TACR1: variants seen among roughly 807,000 people sequenced by gnomAD.
TACR1 encodes the protein tachykinin receptor 1, also known as substance-P receptor.
In TACR1, 25 loss-of-function variants were observed where a neutral mutation model predicts 35.8. The ratio of observed to expected loss-of-function variants is 0.70; its 90% CI spans 0.51 to 0.98. TACR1 has a LOEUF of 0.98. Among genes scored for constraint, TACR1 ranks in the 50% least tolerant of loss-of-function variants. The pLI, the probability that TACR1 is intolerant of heterozygous loss-of-function variation, is 0.00. For synonymous variants in TACR1, 195 were observed against 206.7 expected (o/e 0.94, Z 0.48); for missense variants, 478 against 522.9 (o/e 0.91, Z 0.84).
At chr2:75,068,370 C>T (rs1405203415) in intron 2 of TACR1, among the ~76,000 whole-genome samples, 6 of 152,110 alleles carry the variant, frequency 3.9e-5, no homozygotes, top group Non-Finnish European at 7.4e-5. Flanking sequence ...AAATGTTAAT[C>T]GCGTTTACAG....
At chr2:75,189,440 A>C (rs189854388) in intron 1 of TACR1, 68 of 152,354 alleles carry the variant, frequency 4.5e-4, no homozygotes, top group African/African-American at 1.5e-3. Flanking sequence ...CTATGTAAGT[A>C]GTGCATGTGT....
intron 2 of TACR1, among the ~76,000 whole-genome samples, chr2:75,106,248 CA>C (rs548271931): frequency 6.6e-5 from 10 of 151,820 alleles, no homozygotes; most frequent in South Asian, 4.2e-4. Flanking sequence ...CTATTTATTT[CA>C]AAAAAATTAT....
At chr2:75,171,222 G>T (rs1206882844) in intron 1 of TACR1, among the ~76,000 whole-genome samples, 1 of 152,204 alleles carries the variant, frequency 6.6e-6, no homozygotes, top group Non-Finnish European at 1.5e-5. Context: ...GTGGCTAAAA[G>T]GGGCCAAAGT....
chr2:75,092,812 C>G (rs1003378067), intron 2 of TACR1, among the ~76,000 whole-genome samples: 5 of 152,128 alleles, frequency 3.3e-5, no homozygotes, highest in Non-Finnish European at 7.3e-5. Flanking sequence ...GATCAGAACC[C>G]TACTTTCTGG....
intron 1 of TACR1, among the ~76,000 whole-genome samples, chr2:75,190,141 C>A (rs1675807460): frequency 6.6e-6 from 1 of 152,162 alleles, no homozygotes; most frequent in Non-Finnish European, 1.5e-5. Flanking sequence ...GTAACTTCAA[C>A]AAATTGAATA....
At chr2:75,180,513 G>A (rs1412773970) in intron 1 of TACR1, among the ~76,000 whole-genome samples, 2 of 152,166 alleles carry the variant, frequency 1.3e-5, no homozygotes, top group East Asian at 3.9e-4. Flanking sequence ...TGTGACACAA[G>A]CATAGACTTG....
chr2:75,189,878 A>G (rs1675801391), intron 1 of TACR1: 2 of 152,338 alleles, frequency 1.3e-5, no homozygotes, highest in South Asian at 4.1e-4. Context: ...TACTGTTTAC[A>G]TTTTGAAAGA....
intron 1 of TACR1, among the ~76,000 whole-genome samples, chr2:75,138,188 G>C (rs1444870067): frequency 6.6e-6 from 1 of 152,204 alleles, no homozygotes; most frequent in African/African-American, 2.4e-5. Context: ...TCCCCACTTT[G>C]AAAGGGGTAT....
chr2:75,159,931 G>C (rs1674962303), intron 1 of TACR1, among the ~76,000 whole-genome samples: 1 of 152,118 alleles, frequency 6.6e-6, no homozygotes, highest in African/African-American at 2.4e-5. Flanking sequence ...ATAAAGAATT[G>C]GGAAGAAGGT....
intron 1 of TACR1, among the ~76,000 whole-genome samples, chr2:75,192,671 T>C (rs1306536648): frequency 6.6e-6 from 1 of 152,156 alleles, no homozygotes; most frequent in East Asian, 1.9e-4. Context: ...TGTAGGCAGA[T>C]GTCTAAGGCA....
In TACR1 at chr2:75,049,559, T is replaced by C; in HGVS notation, c.1097A>G (p.Glu366Gly). Residue 366 changes from glutamate to glycine, a missense_variant, in exon 5 of 5, where the codon GAG (glutamate) becomes GGG (glycine). Physicochemically the swap from Glu to Gly is moderately conservative, Grantham distance 98. Coordinates refer to ENST00000305249, the MANE Select transcript of TACR1 (RefSeq NM_001058.4). ...TTISTVVGAH[E>G]EEPEDGPKAT... Reference sequence around the variant, plus strand: ...CTTGGGGCCGTCCTCTGGCTCCTCCTCGTGGGCCCCCACCACTGTGGAGAT... The same window carrying C: ...CTTGGGGCCGTCCTCTGGCTCCTCCCCGTGGGCCCCCACCACTGTGGAGAT... 16 of 1,614,190 alleles carry C rather than the reference T, an allele frequency of 9.9e-6. No homozygotes were observed. Among genetic ancestry groups the C allele is most frequent in the Non-Finnish European group, 1.2e-5 (14 of 1,179,990 alleles).
chr2:75,175,191 C>T (rs372412886), intron 1 of TACR1, among the ~76,000 whole-genome samples: 2 of 152,254 alleles, frequency 1.3e-5, no homozygotes, highest in African/African-American at 4.8e-5. Context: ...CACAATGACT[C>T]AGGGGAGCTC....
intron 2 of TACR1, among the ~76,000 whole-genome samples, chr2:75,077,185 G>A (rs907541557): frequency 6.6e-6 from 1 of 152,150 alleles, no homozygotes; most frequent in Non-Finnish European, 1.5e-5. Flanking sequence ...GGTCAGGCTG[G>A]TCTCGAATTC....
At chr2:75,063,021 C>T (rs1672699795) in intron 2 of TACR1, among the ~76,000 whole-genome samples, 1 of 152,190 alleles carries the variant, frequency 6.6e-6, no homozygotes, top group South Asian at 2.1e-4. Context: ...GTGAAAGGCA[C>T]ATCTCACATG....
intron 1 of TACR1, among the ~76,000 whole-genome samples, chr2:75,191,357 G>T (rs537800066): frequency 2.0e-5 from 3 of 152,242 alleles, no homozygotes; most frequent in East Asian, 3.9e-4. Context: ...TGCTGCTAGT[G>T]GGGGGTGTTA....
intron 2 of TACR1, among the ~76,000 whole-genome samples, chr2:75,069,079 C>T (rs185764267): frequency 1.2e-4 from 18 of 152,136 alleles, no homozygotes; most frequent in African/African-American, 3.9e-4. Context: ...ATAAGTCTCA[C>T]GAGATGTGAT....
At chr2:75,149,682 C>T (rs7580524) in intron 1 of TACR1, among the ~76,000 whole-genome samples, 69,586 of 151,936 alleles carry the variant, frequency 0.46, 16,651 homozygotes, top group Non-Finnish European at 0.51. Flanking sequence ...ATGTCATCTG[C>T]GAACAGAGAC....
chr2:75,148,679 C>T (rs1674601116), intron 1 of TACR1, among the ~76,000 whole-genome samples: 1 of 152,062 alleles, frequency 6.6e-6, no homozygotes, highest in African/African-American at 2.4e-5. Context: ...GTTGCCTGTT[C>T]ATTCTGATGA....
At chr2:75,153,943 T>C (rs1403996257) in intron 1 of TACR1, among the ~76,000 whole-genome samples, 2 of 152,212 alleles carry the variant, frequency 1.3e-5, no homozygotes, top group African/African-American at 4.8e-5. Context: ...TTGAGCTTTA[T>C]TCAGGGTGTG....
Sources: gnomAD v4.1 joint callset for allele counts (sites outside exome capture counted in the v4.1 genomes callset) on GRCh38, gnomAD v4.1.1 for gene constraint, MANE v1.5 for transcripts, NCBI Gene and HGNC (gene_info 2026-07-23, HGNC 2026-07-21) for gene names.